Variants in BICD1 observed in about 807,000 individuals in gnomAD.
The protein encoded by BICD1 is protein bicaudal D homolog 1.
In BICD1, 35 loss-of-function variants were observed where a neutral mutation model predicts 92.5. The observed-to-expected ratio is 0.38, with a 90% confidence interval of 0.29 to 0.50. BICD1 has a LOEUF of 0.50. Ranked by LOEUF, BICD1 falls within the 20% of genes least tolerant of loss-of-function variation. The probability of loss-of-function intolerance (pLI) is 0.93; values close to 1 mark genes in which losing one functional copy is unlikely to be tolerated. For missense variants in BICD1, 950 were observed against 1,189.8 expected (o/e 0.80, Z 2.97); for synonymous variants, 429 against 465.1 (o/e 0.92, Z 1.00).
chr12:32,112,845 TAATAAA>T (rs1348302542), intron 1 of BICD1, among the ~76,000 whole-genome samples: 1 of 152,130 alleles, frequency 6.6e-6, no homozygotes, highest in African/African-American at 2.4e-5. Flanking sequence ...GATAAGAAGA[TAATAAA>T]AATAATAAAG....
intron 1 of BICD1, among the ~76,000 whole-genome samples, chr12:32,182,480 A>C (rs1347210548): frequency 2.0e-5 from 3 of 151,150 alleles, no homozygotes; most frequent in Non-Finnish European, 3.0e-5. Flanking sequence ...ATGGGCTTTC[A>C]TCATGTTGGC....
intron 4 of BICD1, among the ~76,000 whole-genome samples, chr12:32,322,943 T>C (rs138952551): frequency 0.013 from 2,004 of 152,316 alleles, 32 homozygotes; most frequent in African/African-American, 0.044. Context: ...TGTGTACTAA[T>C]TGAATAACGT....
At chr12:32,184,086 G>A (rs531158268) in intron 1 of BICD1, among the ~76,000 whole-genome samples, 1 of 152,264 alleles carries the variant, frequency 6.6e-6, no homozygotes, top group South Asian at 2.1e-4. Flanking sequence ...AGAGTCCGGC[G>A]TGGCAGTGGT....
intron 1 of BICD1, among the ~76,000 whole-genome samples, chr12:32,151,614 C>A (rs1943290678): frequency 6.6e-6 from 1 of 152,112 alleles, no homozygotes; most frequent in Non-Finnish European, 1.5e-5. Context: ...GGGTGATGAC[C>A]AAACACAGTT....
intron 2 of BICD1, among the ~76,000 whole-genome samples, chr12:32,224,746 G>A (rs554877008): frequency 6.6e-6 from 1 of 152,224 alleles, no homozygotes; most frequent in South Asian, 2.1e-4. Context: ...CTGTCACCCA[G>A]GCTGGAGTGC....
intron 2 of BICD1, among the ~76,000 whole-genome samples, chr12:32,271,233 G>A (rs1947132018): frequency 1.3e-5 from 2 of 152,172 alleles, no homozygotes; most frequent in Non-Finnish European, 2.9e-5. Flanking sequence ...AGAGCTGGAG[G>A]CTATGGCCCC....
At chr12:32,351,174 A>AAAC (rs1555171781) in intron 8 of BICD1, among the ~76,000 whole-genome samples, 13 of 151,230 alleles carry the variant, frequency 8.6e-5, no homozygotes, top group Admixed American at 2.6e-4. Context: ...TAAAAAAAAA[A>AAAC]AAAAAACTTC....
chr12:32,149,560 A>G (rs2121422229), intron 1 of BICD1, among the ~76,000 whole-genome samples: 1 of 152,372 alleles, frequency 6.6e-6, no homozygotes, highest in African/African-American at 2.4e-5. Context: ...TACATTATAG[A>G]TGTCTTAGGT....
rs1336930771 is a variant in BICD1 at position 32,106,924 on chromosome 12, G to C, written c.-408G>C. The C allele has an allele frequency of 5.3e-6, 1 of 187,462 alleles. No individual in the cohort carries two copies. Among genetic ancestry groups the C allele is most frequent in the African/African-American group, 2.4e-5 (1 of 41,750 alleles). 11.6% of individuals were successfully genotyped at this position (187,462 alleles called of 1,614,324 possible). A position where few individuals can be genotyped will look rare whatever the true frequency, so the allele number is the denominator to read the frequency against. On this transcript the variant is annotated 5_prime_UTR_variant, in exon 1 of 10. Coordinates refer to ENST00000652176, the MANE Select transcript of BICD1 (RefSeq NM_001714.4). ...GCGAGCCGCGAGCCGGAGCGCGCCA[G>C]ACCCAGGGCGAGACTGCAGTGACGC...
At chr12:32,295,096 A>AG (rs1555164515) in intron 3 of BICD1, among the ~76,000 whole-genome samples, 17 of 147,204 alleles carry the variant, frequency 1.2e-4, no homozygotes, top group Non-Finnish European at 2.0e-4. Context: ...AAAAAAAAAA[A>AG]AAAGAAAAAG....
At chr12:32,165,369 A>G (rs557736233) in intron 1 of BICD1, among the ~76,000 whole-genome samples, 59 of 152,260 alleles carry the variant, frequency 3.9e-4, no homozygotes, top group Middle Eastern at 3.4e-3. Flanking sequence ...CAAAAAAATT[A>G]GACGGGCGTG....
At chr12:32,110,501 A>G (rs1941644812) in intron 1 of BICD1, among the ~76,000 whole-genome samples, 1 of 152,116 alleles carries the variant, frequency 6.6e-6, no homozygotes. Flanking sequence ...CCACTAGAAT[A>G]CTTGAGTCTG....
chr12:32,248,480 T>C (rs1565616732), intron 2 of BICD1, among the ~76,000 whole-genome samples: 1 of 152,144 alleles, frequency 6.6e-6, no homozygotes, highest in South Asian at 2.1e-4. Flanking sequence ...CTGATGATCC[T>C]TAAAGAAGGA....
intron 2 of BICD1, among the ~76,000 whole-genome samples, chr12:32,286,954 A>G (rs1947586036): frequency 6.6e-6 from 1 of 152,188 alleles, no homozygotes; most frequent in Non-Finnish European, 1.5e-5. Flanking sequence ...CTAAGTATGT[A>G]CTCCATGCTA....
At chr12:32,138,760 T>C (rs897486645) in intron 1 of BICD1, among the ~76,000 whole-genome samples, 2 of 152,180 alleles carry the variant, frequency 1.3e-5, no homozygotes, top group African/African-American at 4.8e-5. Flanking sequence ...ATTAAATGTA[T>C]TTTTGACTTA....
intron 1 of BICD1, among the ~76,000 whole-genome samples, chr12:32,133,779 C>T (rs1356642496): frequency 1.4e-5 from 2 of 143,630 alleles, no homozygotes; most frequent in Non-Finnish European, 3.0e-5. Flanking sequence ...AAATGGATGC[C>T]AGTTCTTTTT....
chr12:32,211,989 A>G (rs552120257), intron 1 of BICD1, among the ~76,000 whole-genome samples: 1 of 152,340 alleles, frequency 6.6e-6, no homozygotes, highest in Non-Finnish European at 1.5e-5. Flanking sequence ...ATTCATGAGT[A>G]CCTGTGCTTA....
intron 1 of BICD1, among the ~76,000 whole-genome samples, chr12:32,126,682 G>A (rs1017180353): frequency 7.2e-5 from 11 of 151,920 alleles, no homozygotes; most frequent in African/African-American, 2.2e-4. Context: ...GCTTGAACCC[G>A]GGAGGTGAAG....
chr12:32,311,894 G>T (rs1171751757), intron 4 of BICD1, among the ~76,000 whole-genome samples: 2 of 152,306 alleles, frequency 1.3e-5, no homozygotes, highest in African/African-American at 4.8e-5. Context: ...TTCAAGGTAT[G>T]GCAAGGAAAT....
Sources: allele counts gnomAD v4.1 joint callset (sites outside exome capture counted in the v4.1 genomes callset), GRCh38; gene constraint gnomAD v4.1.1; transcripts MANE v1.5; gene names NCBI Gene and HGNC (gene_info 2026-07-23, HGNC 2026-07-21).